MTUS2: variants seen among roughly 807,000 people sequenced by gnomAD.
MTUS2 encodes microtubule associated scaffold protein 2, also known as microtubule-associated tumor suppressor candidate 2.
A neutral mutation model predicts 114.1 loss-of-function variants in MTUS2; 40 were observed. That is an observed-to-expected ratio of 0.35 (90% CI 0.27 to 0.46). The LOEUF is 0.46. Among genes scored for constraint, MTUS2 ranks in the 20% least tolerant of loss-of-function variants. MTUS2 has a pLI of 1.00. For synonymous variants in MTUS2, 688 were observed against 672.0 expected (o/e 1.02, Z -0.37); for missense variants, 1,679 against 1,705.4 (o/e 0.98, Z 0.27).
intron 2 of MTUS2, among the ~76,000 whole-genome samples, chr13:28,901,937 A>G (rs1185319407): frequency 6.6e-6 from 1 of 152,180 alleles, no homozygotes; most frequent in African/African-American, 2.4e-5. Flanking sequence ...GTTTGAGAAT[A>G]ATTGACATCT....
intron 5 of MTUS2, among the ~76,000 whole-genome samples, chr13:29,168,174 G>T (rs878875905): frequency 6.6e-6 from 1 of 152,138 alleles, no homozygotes; most frequent in Admixed American, 6.5e-5. Flanking sequence ...ATGTTACTCA[G>T]ATGCCTTCCC....
chr13:29,292,434 T>G (rs1898756116), intron 6 of MTUS2, among the ~76,000 whole-genome samples: 1 of 152,214 alleles, frequency 6.6e-6, no homozygotes. Flanking sequence ...AGTGCTTGCT[T>G]TAATTCACAG....
In MTUS2 at chr13:28,977,002, C is replaced by A. The variant is rs113680181; in HGVS notation, c.-242-47455C>A. 5.5e-4 allele frequency among the ~76,000 whole-genome samples: 83 copies of A among 152,146 alleles called. No homozygotes were observed. In the Middle Eastern group the frequency reaches 0.024, roughly 44 times the overall value. On this transcript the variant is annotated intron_variant, in intron 2 of 15. Transcript: ENST00000612955. ...CTTAGGTTTTATGATATACCCTTCCCCCCTTTGAGTTTGATGCCATGGGAA... is the reference window on the plus strand; with the variant it reads ...CTTAGGTTTTATGATATACCCTTCCACCCTTTGAGTTTGATGCCATGGGAA...
intron 2 of MTUS2, among the ~76,000 whole-genome samples, chr13:28,985,737 G>T (rs1884555975): frequency 6.6e-6 from 1 of 152,056 alleles, no homozygotes; most frequent in Non-Finnish European, 1.5e-5. Context: ...GGGTATTTTT[G>T]GATGAGATTA....
intron 1 of MTUS2, among the ~76,000 whole-genome samples, chr13:28,827,312 T>A (rs1874334450): frequency 6.6e-6 from 1 of 152,218 alleles, no homozygotes; most frequent in African/African-American, 2.4e-5. Flanking sequence ...TTTTTTTAAA[T>A]CCACATTGTA....
chr13:29,215,073 T>C (rs1398952754), intron 5 of MTUS2, among the ~76,000 whole-genome samples: 1 of 152,018 alleles, frequency 6.6e-6, no homozygotes, highest in Admixed American at 6.5e-5. Context: ...TCATTCTTTT[T>C]CCTCTAATCT....
At chr13:28,881,612 C>T (rs7995681) in intron 2 of MTUS2, among the ~76,000 whole-genome samples, 1 of 152,076 alleles carries the variant, frequency 6.6e-6, no homozygotes, top group Non-Finnish European at 1.5e-5. Context: ...TGAGCATTCC[C>T]TTTTCTCTGC....
intron 9 of MTUS2, among the ~76,000 whole-genome samples, chr13:29,476,001 A>T (rs753928132): frequency 6.6e-6 from 1 of 152,206 alleles, no homozygotes; most frequent in African/African-American, 2.4e-5. Flanking sequence ...TGCAGGCTTC[A>T]TTCATGGTAA....
intron 5 of MTUS2, among the ~76,000 whole-genome samples, chr13:29,127,232 G>A (rs897201559): frequency 2.6e-5 from 4 of 151,950 alleles, no homozygotes; most frequent in African/African-American, 9.7e-5. Flanking sequence ...TCTCTGTCCT[G>A]TCCTTCCACA....
At chr13:29,399,760 C>T (rs1185807641) in intron 8 of MTUS2, among the ~76,000 whole-genome samples, 1 of 151,948 alleles carries the variant, frequency 6.6e-6, no homozygotes, top group Non-Finnish European at 1.5e-5. Flanking sequence ...ACAATAGTGA[C>T]TAAGAATTTT....
chr13:29,262,447 A>G (rs539109004), intron 5 of MTUS2, among the ~76,000 whole-genome samples: 1 of 152,018 alleles, frequency 6.6e-6, no homozygotes, highest in South Asian at 2.1e-4. Context: ...TTTTTGTCAT[A>G]TATTAAAGTG....
rs113098988 is a variant in MTUS2 at position 29,322,179 on chromosome 13, A to G, written c.2807-2434A>G. Among the ~76,000 whole-genome samples the G allele has an allele frequency of 3.2e-3, 481 of 152,368 alleles. 2 individuals carry two copies. Among genetic ancestry groups the G allele is most frequent in the Middle Eastern group, 6.8e-3 (2 of 294 alleles). ...TGAATGGAAAACACTGAAAGGCTAAATAAATAATTGTATTTTGTTTTCCTT... is the reference window on the plus strand; with the variant it reads ...TGAATGGAAAACACTGAAAGGCTAAGTAAATAATTGTATTTTGTTTTCCTT... On this transcript the variant is annotated intron_variant, in intron 6 of 15. Transcript: ENST00000612955.
chr13:29,156,700 CT>C (rs1382934392), intron 5 of MTUS2, among the ~76,000 whole-genome samples: 2 of 152,104 alleles, frequency 1.3e-5, no homozygotes, highest in Non-Finnish European at 2.9e-5. Flanking sequence ...CTCCAAAGGA[CT>C]TTTGGAATGG....
At chr13:29,097,142 T>G (rs1043740845) in intron 4 of MTUS2, among the ~76,000 whole-genome samples, 2 of 81,354 alleles carry the variant, frequency 2.5e-5, no homozygotes, top group African/African-American at 3.8e-5. Context: ...ACATCCAGAG[T>G]AGAGCTTTCA....
intron 7 of MTUS2, chr13:29,339,862 C>T (rs1901297976): frequency 6.5e-6 from 1 of 152,922 alleles, no homozygotes; most frequent in South Asian, 2.0e-4. Context: ...CCCGGTGTTT[C>T]TGGGATTGGG....
At position 29,100,758 on chromosome 13, in the gene MTUS2, T is replaced by G; in HGVS notation, c.2447-15T>G. ...ACTGAGAATAATTTTTTAATTTTAT[T>G]TGGGTTCGTTTTAGCAGATTTAAAG... On this transcript the variant is annotated splice_polypyrimidine_tract_variant and intron_variant, in intron 4 of 15. Transcript: ENST00000612955. 1 of 1,548,914 alleles carries G rather than the reference T, an allele frequency of 6.5e-7. No individual in the cohort carries two copies. The highest frequency in any genetic ancestry group is 8.7e-7 in the Non-Finnish European group (1 of 1,146,440).
At chr13:29,099,436 G>C (rs892035020) in intron 4 of MTUS2, among the ~76,000 whole-genome samples, 1 of 152,098 alleles carries the variant, frequency 6.6e-6, no homozygotes, top group East Asian at 1.9e-4. Flanking sequence ...CTCACTTTCG[G>C]GGGAGCTGCT....
chr13:28,936,328 T>A (rs1881898226), intron 2 of MTUS2, among the ~76,000 whole-genome samples: 1 of 152,190 alleles, frequency 6.6e-6, no homozygotes, highest in South Asian at 2.1e-4. Flanking sequence ...GTAATATGGA[T>A]TTATTTTGAC....
chr13:29,343,496 T>C (rs1901506783), intron 7 of MTUS2, among the ~76,000 whole-genome samples: 1 of 152,138 alleles, frequency 6.6e-6, no homozygotes, highest in African/African-American at 2.4e-5. Flanking sequence ...GTATCAGTTA[T>C]AGTATCTCCT....
Sources: allele counts gnomAD v4.1 joint callset (sites outside exome capture counted in the v4.1 genomes callset), GRCh38; gene constraint gnomAD v4.1.1; transcripts MANE v1.5; gene names NCBI Gene and HGNC (gene_info 2026-07-23, HGNC 2026-07-21).